TTC28: variants seen among roughly 807,000 people sequenced by gnomAD.
The protein encoded by TTC28 is tetratricopeptide repeat domain 28, also known as tetratricopeptide repeat protein 28.
In TTC28, 61 loss-of-function variants were observed where a neutral mutation model predicts 198.0. The observed-to-expected ratio is 0.31, with a 90% CI of 0.25 to 0.38. The LOEUF (loss-of-function observed/expected upper bound fraction) is 0.38. TTC28 is among the 10% of genes least tolerant of loss of function. TTC28 has a pLI of 1.00. For synonymous variants in TTC28, 1,171 were observed against 1,297.8 expected (o/e 0.90, Z 2.10); for missense variants, 2,678 against 3,164.0 (o/e 0.85, Z 3.69).
intron 12 of TTC28, among the ~76,000 whole-genome samples, chr22:28,088,029 A>G (rs1417203301): frequency 2.0e-5 from 3 of 152,192 alleles, no homozygotes; most frequent in Non-Finnish European, 4.4e-5. Flanking sequence ...AAACAAATGG[A>G]AGAACATTCC....
chr22:28,226,822 T>C (rs910326658), intron 5 of TTC28, among the ~76,000 whole-genome samples: 5 of 152,232 alleles, frequency 3.3e-5, no homozygotes, highest in Admixed American at 1.3e-4. Context: ...AACTGTGGTA[T>C]TTGTTTACTT....
chr22:28,153,395 T>TAAA (rs55726442), intron 6 of TTC28, among the ~76,000 whole-genome samples: 41 of 97,138 alleles, frequency 4.2e-4, no homozygotes, highest in Non-Finnish European at 3.4e-4. Flanking sequence ...CTCAAAGAAT[T>TAAA]AAAAAAAAAA....
At chr22:28,285,024 G>A (rs538751554) in intron 5 of TTC28, among the ~76,000 whole-genome samples, 16 of 152,248 alleles carry the variant, frequency 1.1e-4, no homozygotes, top group African/African-American at 3.6e-4. Flanking sequence ...AATCAATGTC[G>A]AAGACATGTC....
At chr22:28,109,146 C>G (rs1569144452) in intron 6 of TTC28, among the ~76,000 whole-genome samples, 1 of 152,152 alleles carries the variant, frequency 6.6e-6, no homozygotes, top group Admixed American at 6.5e-5. Context: ...TAACAATACA[C>G]GTAACAACCT....
intron 15 of TTC28, chr22:28,000,458 T>C (rs1459294156): frequency 6.6e-6 from 1 of 152,326 alleles, no homozygotes. Flanking sequence ...TCCCGCCTGC[T>C]GTGGGGTATT....
rs751733870 is a variant in TTC28, at chr22:28,089,546, G to A, written c.3932+4534C>T. 8.6e-4 allele frequency among the ~76,000 whole-genome samples: 130 copies of A among 151,618 alleles called. 1 individual carries two copies. The highest frequency in any genetic ancestry group is 1.5e-3 in the Non-Finnish European group (103 of 67,910). ...GGGGGATGGGGGAGGGATAGCATTA[G>A]GAGATATACCTAATGCTTAATGACG... On this transcript the variant is annotated intron_variant, in intron 12 of 22. Transcript: ENST00000397906.
intron 12 of TTC28, among the ~76,000 whole-genome samples, chr22:28,032,848 T>G (rs1939188423): frequency 6.6e-6 from 1 of 152,160 alleles, no homozygotes; most frequent in Non-Finnish European, 1.5e-5. Context: ...ACCAGGAAAC[T>G]TCTAGCATCG....
At chr22:28,640,170 G>T (rs2051340185) in intron 1 of TTC28, among the ~76,000 whole-genome samples, 1 of 151,566 alleles carries the variant, frequency 6.6e-6, no homozygotes, top group African/African-American at 2.4e-5. Context: ...GAGGTGGGAG[G>T]ATCACTTGAG....
intron 2 of TTC28, among the ~76,000 whole-genome samples, chr22:28,516,530 C>G (rs560548810): frequency 6.8e-6 from 1 of 146,650 alleles, no homozygotes. Context: ...AAACACCGCA[C>G]GTTTTCACTC....
intron 3 of TTC28, among the ~76,000 whole-genome samples, chr22:28,302,386 C>T (rs2045044821): frequency 6.6e-6 from 1 of 152,174 alleles, no homozygotes; most frequent in Non-Finnish European, 1.5e-5. Flanking sequence ...TACGCCTGCC[C>T]TAAACATAAG....
chr22:28,030,222 T>A lies in TTC28; in HGVS notation c.4073+4A>T. The A allele has an allele frequency of 6.4e-7, 1 of 1,551,622 alleles. No individual in the cohort carries two copies. The highest frequency in any genetic ancestry group is 8.7e-7 in the Non-Finnish European group (1 of 1,146,988). ...TGGGCCTGGGGAAAGCGCCCCACACTCACCTGTTAAACAGGTTATTGCGGC... is the reference window on the plus strand; with the variant it reads ...TGGGCCTGGGGAAAGCGCCCCACACACACCTGTTAAACAGGTTATTGCGGC... On this transcript the variant is annotated splice_donor_region_variant and intron_variant, in intron 13 of 22. Coordinates refer to ENST00000397906, the MANE Select transcript of TTC28 (RefSeq NM_001145418.2).
chr22:28,142,336 G>A (rs748642889), intron 6 of TTC28, among the ~76,000 whole-genome samples: 12 of 152,150 alleles, frequency 7.9e-5, no homozygotes, highest in Non-Finnish European at 1.0e-4. Context: ...TGTGGGAGGG[G>A]GAAGGGTTGG....
intron 6 of TTC28, among the ~76,000 whole-genome samples, chr22:28,136,055 C>A (rs766962037): frequency 6.6e-6 from 1 of 151,986 alleles, no homozygotes; most frequent in Non-Finnish European, 1.5e-5. Context: ...ACAGCAATGA[C>A]CAGTTGCTAT....
chr22:28,515,929 G>C (rs904208462), intron 2 of TTC28, among the ~76,000 whole-genome samples: 2 of 152,132 alleles, frequency 1.3e-5, no homozygotes, highest in East Asian at 3.9e-4. Flanking sequence ...CAAATCACCT[G>C]AGGTCAGAAG....
At chr22:28,490,226 C>A (rs1169417272) in intron 2 of TTC28, among the ~76,000 whole-genome samples, 2 of 152,168 alleles carry the variant, frequency 1.3e-5, no homozygotes, top group African/African-American at 4.8e-5. Context: ...TCCTTCAATC[C>A]AATCAAGTTG....
Position 28,469,321 on chromosome 22 carries a change from G to C in TTC28, c.381+160231C>G, listed in dbSNP as rs143882004. On this transcript the variant is annotated intron_variant, in intron 2 of 22. Coordinates refer to ENST00000397906, the MANE Select transcript of TTC28 (RefSeq NM_001145418.2). The stretch of plus-strand genomic sequence containing the variant: ...GAAAGCTAGTCTTCAGAAAAAGGGA[G>C]AACCACGAAGAACTGCAGAAAGAAA... 1.4e-3 allele frequency among the ~76,000 whole-genome samples: 215 copies of C among 152,290 alleles called. 1 individual carries two copies. Among genetic ancestry groups the C allele is most frequent in the African/African-American group, 4.8e-3 (200 of 41,550 alleles).
intron 10 of TTC28, among the ~76,000 whole-genome samples, chr22:28,098,001 G>C (rs1942025381): frequency 6.6e-6 from 1 of 152,190 alleles, no homozygotes; most frequent in South Asian, 2.1e-4. Flanking sequence ...CAAAAGACAG[G>C]TTATCGAAAA....
chr22:28,422,367 C>G (rs1296073099), intron 2 of TTC28, among the ~76,000 whole-genome samples: 1 of 152,120 alleles, frequency 6.6e-6, no homozygotes, highest in Admixed American at 6.5e-5. Context: ...CATCTTGTCA[C>G]TTGTGATTTA....
chr22:28,382,751 A>G (rs899516044), intron 2 of TTC28, among the ~76,000 whole-genome samples: 2 of 152,234 alleles, frequency 1.3e-5, no homozygotes, highest in Non-Finnish European at 2.9e-5. Flanking sequence ...ACTGCAAAAC[A>G]AAAGTAGAAC....
Sources: allele counts gnomAD v4.1 joint callset (sites outside exome capture counted in the v4.1 genomes callset), GRCh38; gene constraint gnomAD v4.1.1; transcripts MANE v1.5; gene names NCBI Gene and HGNC (gene_info 2026-07-23, HGNC 2026-07-21).